The following VWC2 variants were observed in gnomAD, a reference collection of about 807,000 sequenced individuals.
VWC2 encodes brorin.
VWC2 carries 14 observed loss-of-function variants against 29.8 expected under a neutral mutation model. That is an observed-to-expected ratio of 0.47 (90% CI 0.31 to 0.74). The LOEUF (loss-of-function observed/expected upper bound fraction) is 0.74, where lower values mean the gene tolerates loss of function less well. Among genes scored for constraint, VWC2 ranks in the 30% least tolerant of loss-of-function variants. VWC2 has a pLI of 0.05. For missense variants in VWC2, 457 were observed against 459.8 expected (o/e 0.99, Z 0.05); for synonymous variants, 213 against 199.0 (o/e 1.07, Z -0.59).
intron 3 of VWC2, among the ~76,000 whole-genome samples, chr7:49,910,991 G>A (rs998815098): frequency 1.3e-5 from 2 of 152,184 alleles, no homozygotes; most frequent in Non-Finnish European, 2.9e-5. Context: ...GGCCTGGAAG[G>A]TATACTGAAT....
At position 49,871,567 on chromosome 7, in the gene VWC2, A is replaced by G. The variant is rs149497025; in HGVS notation, c.827-40467A>G. On this transcript the variant is annotated intron_variant, in intron 3 of 3. Transcript: ENST00000340652. The stretch of plus-strand genomic sequence containing the variant: ...AAAACGAATGACAGAAAAATTGATT[A>G]GTATCTCATTTTTCCTACAAGAAGC... Among the ~76,000 whole-genome samples, 430 of 152,266 alleles carry G rather than the reference A, an allele frequency of 2.8e-3. 3 individuals carry two copies. Among genetic ancestry groups the G allele is most frequent in the Middle Eastern group, 0.01 (3 of 294 alleles).
intron 3 of VWC2, among the ~76,000 whole-genome samples, chr7:49,909,494 G>C (rs1380680907): frequency 6.6e-6 from 1 of 152,174 alleles, no homozygotes; most frequent in East Asian, 1.9e-4. Flanking sequence ...CAGTTGTGTG[G>C]GGTGTGGTGG....
chr7:49,870,197 A>G (rs762655726), intron 3 of VWC2, among the ~76,000 whole-genome samples: 42 of 152,242 alleles, frequency 2.8e-4, no homozygotes, highest in Middle Eastern at 6.8e-3. Flanking sequence ...TCAGGAGATC[A>G]AGACCATCCT....
Position 49,849,540 on chromosome 7 carries a change from T to C in VWC2, c.826+46700T>C, listed in dbSNP as rs573433555. Among the ~76,000 whole-genome samples the C allele has an allele frequency of 1.5e-4, 23 of 152,336 alleles. No individual in the cohort carries two copies. In the South Asian group the frequency reaches 4.3e-3, roughly 29 times the overall value. On this transcript the variant is annotated intron_variant, in intron 3 of 3. Coordinates refer to ENST00000340652, the MANE Select transcript of VWC2 (RefSeq NM_198570.5). ...AACTGGCATATGCACCCCTACTCCA[T>C]GCCACATTTCAGCCCTTCTACACAC...
At chr7:49,803,409 G>T (rs1788791560) in intron 3 of VWC2, among the ~76,000 whole-genome samples, 1 of 152,192 alleles carries the variant, frequency 6.6e-6, no homozygotes, top group South Asian at 2.1e-4. Flanking sequence ...TGTACCTGAG[G>T]TACTGAGGGC....
At chr7:49,781,743 A>G (rs1332626032) in intron 2 of VWC2, among the ~76,000 whole-genome samples, 2 of 152,208 alleles carry the variant, frequency 1.3e-5, no homozygotes, top group African/African-American at 2.4e-5. Context: ...GCTTATATGT[A>G]TGTCCAATAA....
At chr7:49,783,941 G>A (rs902542060) in intron 2 of VWC2, among the ~76,000 whole-genome samples, 5 of 152,042 alleles carry the variant, frequency 3.3e-5, no homozygotes, top group African/African-American at 1.2e-4. Flanking sequence ...AAATTAAAAT[G>A]CCAGGTGGCT....
intron 3 of VWC2, among the ~76,000 whole-genome samples, chr7:49,893,961 T>C (rs1470303273): frequency 6.6e-6 from 1 of 152,192 alleles, no homozygotes. Context: ...TGCTGGACCC[T>C]GCTGGGCTCT....
intron 3 of VWC2, among the ~76,000 whole-genome samples, chr7:49,804,472 T>G (rs1352601993): frequency 1.3e-5 from 2 of 152,172 alleles, no homozygotes; most frequent in African/African-American, 4.8e-5. Context: ...TCAAGGGGTT[T>G]AGTGAATGGC....
intron 3 of VWC2, among the ~76,000 whole-genome samples, chr7:49,845,707 C>T (rs117039073): frequency 1.7e-3 from 262 of 152,340 alleles, no homozygotes; most frequent in Non-Finnish European, 1.8e-3. Context: ...AAGACCTTGA[C>T]ATTGTAACAA....
At chr7:49,901,323 C>A (rs779541100) in intron 3 of VWC2, 4 of 151,534 alleles carry the variant, frequency 2.6e-5, no homozygotes, top group Admixed American at 6.6e-5. Flanking sequence ...AAATTCAAAA[C>A]AATCAAGAAA....
intron 3 of VWC2, among the ~76,000 whole-genome samples, chr7:49,878,564 G>A (rs917868027): frequency 2.0e-5 from 3 of 151,962 alleles, no homozygotes; most frequent in South Asian, 2.1e-4. Context: ...CTCAACGCTC[G>A]GTCTACTTTT....
chr7:49,778,979 G>A (rs1361044288), intron 2 of VWC2, among the ~76,000 whole-genome samples: 1 of 152,162 alleles, frequency 6.6e-6, no homozygotes, highest in East Asian at 1.9e-4. Flanking sequence ...GATTATTTGG[G>A]CCTCAGTCCC....
intron 3 of VWC2, among the ~76,000 whole-genome samples, chr7:49,824,687 G>A (rs901499186): frequency 1.3e-5 from 2 of 151,874 alleles, no homozygotes; most frequent in Admixed American, 1.3e-4. Flanking sequence ...CTACAAACAT[G>A]GCATATCTCT....
At chr7:49,790,032 CA>C (rs1403017492) in intron 2 of VWC2, among the ~76,000 whole-genome samples, 2 of 152,236 alleles carry the variant, frequency 1.3e-5, no homozygotes, top group Admixed American at 6.5e-5. Context: ...GACTGCCCAT[CA>C]GGTCTGAACC....
chr7:49,834,899 G>A (rs552949214), intron 3 of VWC2, among the ~76,000 whole-genome samples: 1 of 152,206 alleles, frequency 6.6e-6, no homozygotes, highest in Non-Finnish European at 1.5e-5. Context: ...GTGTGTGGTG[G>A]TGGTGGAGGC....
intron 3 of VWC2, among the ~76,000 whole-genome samples, chr7:49,825,844 C>G (rs1171174568): frequency 1.3e-5 from 2 of 152,192 alleles, no homozygotes; most frequent in East Asian, 3.8e-4. Context: ...TGGCCACCTC[C>G]TCAGACTCCT....
At chr7:49,887,423 A>T (rs1003675505) in intron 3 of VWC2, among the ~76,000 whole-genome samples, 1 of 152,228 alleles carries the variant, frequency 6.6e-6, no homozygotes, top group African/African-American at 2.4e-5. Flanking sequence ...CTTTGGACTG[A>T]TTTTAAATGT....
At chr7:49,840,656 C>T (rs1789773840) in intron 3 of VWC2, among the ~76,000 whole-genome samples, 3 of 152,070 alleles carry the variant, frequency 2.0e-5, no homozygotes, top group Admixed American at 2.0e-4. Flanking sequence ...ATTTTTTCTT[C>T]CCATATTACT....
Sources: allele counts gnomAD v4.1 joint callset (sites outside exome capture counted in the v4.1 genomes callset), GRCh38; gene constraint gnomAD v4.1.1; transcripts MANE v1.5; gene names NCBI Gene and HGNC (gene_info 2026-07-23, HGNC 2026-07-21).